CYP46A1: variants seen among roughly 807,000 people sequenced by gnomAD.
CYP46A1 encodes the protein cholesterol 24-hydroxylase.
CYP46A1 carries 20 observed loss-of-function variants against 63.3 expected under a neutral mutation model. That is an observed-to-expected ratio of 0.32 (90% CI 0.22 to 0.46). The LOEUF is 0.46. CYP46A1 is among the 20% of genes least tolerant of loss of function. CYP46A1 has a pLI of 1.00. For synonymous variants in CYP46A1, 268 were observed against 273.6 expected, an observed-to-expected ratio of 0.98 and a Z score of 0.20; for missense variants, 445 against 670.8, an observed-to-expected ratio of 0.66 and a Z score of 3.72.
intron 5 of CYP46A1, among the ~76,000 whole-genome samples, chr14:99,701,912 A>T (rs976844962): frequency 6.6e-6 from 1 of 152,118 alleles, no homozygotes; most frequent in African/African-American, 2.4e-5. Flanking sequence ...TTTACTAAAG[A>T]TACAAAAATT....
chr14:99,710,749 T>C (rs1233294038), intron 7 of CYP46A1: 1 of 152,208 alleles, frequency 6.6e-6, no homozygotes, highest in Non-Finnish European at 1.5e-5. Context: ...CTCTCAGCAC[T>C]GGACAGATCA....
chr14:99,715,990 G>A, intron 8 of CYP46A1, 30 bp downstream of exon 8: 1 of 1,594,826 alleles, frequency 6.3e-7, no homozygotes, highest in Non-Finnish European at 8.6e-7. Context: ...GGACTGGGGA[G>A]GGCGGGGTGG....
intron 7 of CYP46A1, 111 bp from the exon 8 acceptor site, chr14:99,715,699 A>G: frequency 7.1e-7 from 1 of 1,414,520 alleles, no homozygotes; most frequent in Non-Finnish European, 9.8e-7. Context: ...CTCACATTCT[A>G]CTGACCTCCC....
chr14:99,697,247 C>A (rs1397735198), intron 3 of CYP46A1, among the ~76,000 whole-genome samples: 1 of 152,218 alleles, frequency 6.6e-6, no homozygotes, highest in Non-Finnish European at 1.5e-5. Flanking sequence ...TGCATAGCTT[C>A]TCCCTGGTAC....
intron 3 of CYP46A1, among the ~76,000 whole-genome samples, chr14:99,696,791 CT>C (rs2056590585): frequency 6.6e-6 from 1 of 152,110 alleles, no homozygotes; most frequent in African/African-American, 2.4e-5. Context: ...TTATTGGATA[CT>C]GGACATTGTG....
intron 12 of CYP46A1, among the ~76,000 whole-genome samples, chr14:99,723,609 C>T (rs2056869394): frequency 6.6e-6 from 1 of 152,196 alleles, no homozygotes; most frequent in South Asian, 2.1e-4. Context: ...GCGCCCAGCC[C>T]TAGAGCTTTC....
intron 1 of CYP46A1, 77 bp downstream of exon 1, chr14:99,684,613 A>G: frequency 2.3e-6 from 3 of 1,287,290 alleles, no homozygotes; most frequent in Non-Finnish European, 3.1e-6. Context: ...GCCGGCGTCC[A>G]GGCCGGGGGT....
intron 5 of CYP46A1, among the ~76,000 whole-genome samples, chr14:99,701,858 T>A (rs1284116183): frequency 3.3e-5 from 5 of 152,100 alleles, no homozygotes; most frequent in African/African-American, 9.7e-5. Context: ...TCACCTGAGA[T>A]CAGGAGTTCA....
intron 1 of CYP46A1, among the ~76,000 whole-genome samples, chr14:99,685,478 C>CCACCTGTTGACTGTCTGTT (rs796599674): frequency 6.6e-6 from 1 of 151,810 alleles, no homozygotes; most frequent in East Asian, 2.0e-4. Context: ...TACCTTCTTT[C>CCACCTGTTGACTGTCTGTT]CACCTGTTGA....
intron 7 of CYP46A1, 26 bp from the exon 8 acceptor site, chr14:99,715,784 C>T (rs758987558): frequency 1.2e-6 from 2 of 1,613,822 alleles, no homozygotes; most frequent in East Asian, 4.5e-5. Flanking sequence ...TTCACTTGGC[C>T]ATCTGGAGCT....
At chr14:99,699,190 T>G (rs76689552) in intron 3 of CYP46A1, among the ~76,000 whole-genome samples, 2,410 of 152,152 alleles carry the variant, frequency 0.016, 48 homozygotes, top group African/African-American at 0.056. Context: ...TGGTATGGGG[T>G]TCCGAGTGTG....
intron 1 of CYP46A1, among the ~76,000 whole-genome samples, chr14:99,686,693 T>C (rs572115110): frequency 6.6e-6 from 1 of 152,340 alleles, no homozygotes; most frequent in Admixed American, 6.5e-5. Context: ...CTTTCCTTCT[T>C]ATGGCTAAAT....
intron 5 of CYP46A1, 119 bp from the exon 6 acceptor site, chr14:99,706,528 C>G (rs2140125089): frequency 7.3e-7 from 1 of 1,371,030 alleles, no homozygotes; most frequent in Non-Finnish European, 1.0e-6. Context: ...GCCAGAAAGA[C>G]TGGGAGGGAC....
At chr14:99,691,665 A>C (rs1437771464) in intron 2 of CYP46A1, 115 bp from the exon 3 acceptor site, 68 of 897,822 alleles carry the variant, frequency 7.6e-5, no homozygotes, top group Non-Finnish European at 1.1e-4. Flanking sequence ...CTCTTTTGGT[A>C]GCATGCATTG....
rs10600179 is a variant in CYP46A1 at position 99,722,644 on chromosome 14, CGTGTGTGTGTGT to C, written c.1176+602_1176+613del. Among the ~76,000 whole-genome samples, 24 of 142,262 alleles carry C rather than the reference CGTGTGTGTGTGT, an allele frequency of 1.7e-4. No individual in the cohort carries two copies. The highest frequency in any genetic ancestry group is 5.6e-4 in the African/African-American group (22 of 39,242). 93.3% of individuals were successfully genotyped at this position (142,262 alleles called of 152,430 possible). A position where few individuals can be genotyped will look rare whatever the true frequency, so the allele number is the denominator to read the frequency against. Reference sequence around the variant, plus strand: ...ATCTGAATTGTGTGTTTGCCATTCCCGTGTGTGTGTGTGTGTGTGTGTGTGTGTGTGTGTGCC... The same window carrying C: ...ATCTGAATTGTGTGTTTGCCATTCCCGTGTGTGTGTGTGTGTGTGTGTGCC... On this transcript the variant is annotated intron_variant, in intron 12 of 14. Transcript: ENST00000261835. The surrounding 1 kb of genome is among the most constrained non-coding windows in gnomAD (Gnocchi z 4.6).
At position 99,702,184 on chromosome 14, in the gene CYP46A1, T is replaced by C. The variant is rs1160344500; in HGVS notation, c.443+2083T>C. ...ATGGATTTTTGCATTCTAGACATTT[T>C]ATATAAATAGAATCATGCAATATGT... On this transcript the variant is annotated intron_variant, in intron 5 of 14. Coordinates refer to ENST00000261835, the MANE Select transcript of CYP46A1 (RefSeq NM_006668.2). 3.3e-5 allele frequency among the ~76,000 whole-genome samples: 5 copies of C among 152,236 alleles called. No individual in the cohort carries two copies. In the East Asian group the frequency reaches 9.6e-4, roughly 29 times the overall value.
chr14:99,726,211 C>T lies in CYP46A1; in HGVS notation c.1287C>T (p.Pro429=). 6.2e-7 allele frequency: 1 copy of T among 1,614,016 alleles called. No individual in the cohort carries two copies. Among genetic ancestry groups the T allele is most frequent in the Non-Finnish European group, 8.5e-7 (1 of 1,179,996 alleles). The change falls in exon 14 of 15, where the codon CCC becomes CCT. Residue 429 remains proline (P), a synonymous_variant. Coordinates refer to ENST00000261835, the MANE Select transcript of CYP46A1 (RefSeq NM_006668.2). ...GAPKPRFTYF[P]FSLGHRSCIG... ...GCAGGCCACGGTTCACCTACTTCCC[C>T]TTCTCCCTGGGCCACCGCTCCTGCA... is the stretch of plus-strand genomic sequence containing the variant.
At chr14:99,686,604 G>A (rs1286770864) in intron 1 of CYP46A1, among the ~76,000 whole-genome samples, 3 of 152,214 alleles carry the variant, frequency 2.0e-5, no homozygotes, top group African/African-American at 7.2e-5. Context: ...CATACAATAT[G>A]TGGCCTTTTG....
chr14:99,718,778 A>G (rs1376765628), intron 10 of CYP46A1, among the ~76,000 whole-genome samples: 1 of 152,200 alleles, frequency 6.6e-6, no homozygotes, highest in East Asian at 1.9e-4. Flanking sequence ...CATCAGCAGC[A>G]TATAAGGGCG....
Sources: gnomAD v4.1 joint callset for allele counts (sites outside exome capture counted in the v4.1 genomes callset) on GRCh38, gnomAD v4.1.1 for gene constraint, Gnocchi (gnomAD v3.1) non-coding constraint, MANE v1.5 for transcripts, NCBI Gene and HGNC (gene_info 2026-07-23, HGNC 2026-07-21) for gene names.